MOB2: variants seen among roughly 807,000 people sequenced by gnomAD.
MOB2 encodes MOB kinase activator 2, also known as MOB2 Mps One Binder homolog.
MOB2 carries 14 observed loss-of-function variants against 27.4 expected under a neutral mutation model. The ratio of observed to expected loss-of-function variants is 0.51; its 90% CI spans 0.34 to 0.80. MOB2 has a LOEUF of 0.80. MOB2 is among the 30% of genes least tolerant of loss of function. The probability of loss-of-function intolerance (pLI) is 0.01; values close to 1 mark genes in which losing one functional copy is unlikely to be tolerated. For synonymous variants in MOB2, 167 were observed against 151.8 expected (o/e 1.10, Z -0.74); for missense variants, 304 against 354.6 (o/e 0.86, Z 1.15).
At chr11:1,471,453 C>A (rs1302545622) in intron 3 of MOB2, 34 bp from the exon 4 acceptor site, 1 of 1,581,850 alleles carries the variant, frequency 6.3e-7, no homozygotes, top group Admixed American at 1.7e-5. Context: ...GGGCATGCGC[C>A]CGCTGCACAC....
intron 1 of MOB2, among the ~76,000 whole-genome samples, chr11:1,485,590 C>A (rs1847961199): frequency 6.6e-6 from 1 of 152,180 alleles, no homozygotes; most frequent in Admixed American, 6.5e-5. Flanking sequence ...GTGCCGCAGC[C>A]CCCGGCCCTT....
chr11:1,470,505 T>C lies in MOB2; in HGVS notation c.491-17A>G. On this transcript the variant is annotated splice_polypyrimidine_tract_variant and intron_variant, in intron 4 of 4. Transcript: ENST00000329957. ...ATTCTCTGCCTGGGGAAGGCCACCGTGTCACAAGCTGCAGACATCCCTTGG... is the reference window on the plus strand; with the variant it reads ...ATTCTCTGCCTGGGGAAGGCCACCGCGTCACAAGCTGCAGACATCCCTTGG... The C allele has an allele frequency of 6.2e-7, 1 of 1,604,808 alleles. No individual in the cohort carries two copies. The highest frequency in any genetic ancestry group is 8.5e-7 in the Non-Finnish European group (1 of 1,174,970).
intron 3 of MOB2, among the ~76,000 whole-genome samples, chr11:1,478,023 G>C (rs183577723): frequency 6.6e-6 from 1 of 152,200 alleles, no homozygotes; most frequent in South Asian, 2.1e-4. Flanking sequence ...GATTCTGACT[G>C]CGTCTCTTCA....
At position 1,470,217 on chromosome 11, in the gene MOB2, G is replaced by T. The variant is rs377411565; in HGVS notation, c.762C>A (p.Ala254=). 1 of 1,611,962 alleles carries T rather than the reference G, an allele frequency of 6.2e-7. No homozygotes were observed. The highest frequency in any genetic ancestry group is 8.5e-7 in the Non-Finnish European group (1 of 1,179,634). ...GVHSGGSGDG[A]GSGGPGAQNH... The stretch of plus-strand genomic sequence containing the variant: ...TCTGTGCTCCCGGGCCCCCGCTGCC[G>T]GCCCCATCCCCACTGCCCCCACTGT... Residue 254 remains alanine (A), a synonymous_variant, in exon 5 of 5, where the codon GCC becomes GCA. Coordinates refer to ENST00000329957, the MANE Select transcript of MOB2 (RefSeq NM_001172223.3).
intron 3 of MOB2, among the ~76,000 whole-genome samples, chr11:1,474,778 T>G (rs1441712318): frequency 1.3e-5 from 2 of 152,256 alleles, no homozygotes; most frequent in Non-Finnish European, 2.9e-5. Context: ...TGGGGCTATC[T>G]CTGGACTCTA....
Position 1,486,507 on chromosome 11 carries a change from T to TGGCCG in MOB2, c.45_49dup (p.Gln17ProfsTer132). On this transcript the variant is annotated frameshift_variant, in exon 1 of 5. Coordinates refer to ENST00000329957, the MANE Select transcript of MOB2 (RefSeq NM_001172223.3). LOFTEE classifies it high-confidence loss of function. ...GCAGCAGAGTCCACTTTGCAGGGAC[T>TGGCCG]GGCCGGGCCGGGCTTGGTCTTCAGG... 4 of 1,535,816 alleles carry TGGCCG rather than the reference T, an allele frequency of 2.6e-6. No individual in the cohort carries two copies. The East Asian group carries it at 7.3e-5, about 28-fold the overall frequency.
In MOB2 at chr11:1,476,900, G is replaced by A. The variant is rs116340881; in HGVS notation, c.365+3493C>T. Among the ~76,000 whole-genome samples the A allele has an allele frequency of 1.7e-3, 263 of 152,314 alleles. 1 individual carries two copies. The highest frequency in any genetic ancestry group is 6.0e-3 in the African/African-American group (248 of 41,566). ...GTGTTTGGAGACTTTCCTGTTCTCT[G>A]TTACTGATTTCTAATTTAACCCCAC... On this transcript the variant is annotated intron_variant, in intron 3 of 4. Transcript: ENST00000329957.
chr11:1,471,291 G>C lies in MOB2; in HGVS notation c.490+4C>G. On this transcript the variant is annotated splice_donor_region_variant and intron_variant, in intron 4 of 4. Transcript: ENST00000329957. ...ATGACCGCCCAGTGCTGGGGGAGACGAACCGTATTTTGTGGGGAACACGTC... is the reference window on the plus strand; with the variant it reads ...ATGACCGCCCAGTGCTGGGGGAGACCAACCGTATTTTGTGGGGAACACGTC... 1 of 1,611,228 alleles carries C rather than the reference G, an allele frequency of 6.2e-7. No individual in the cohort carries two copies. The highest frequency in any genetic ancestry group is 8.5e-7 in the Non-Finnish European group (1 of 1,178,742).
chr11:1,482,949 G>A (rs1564911661), intron 1 of MOB2, among the ~76,000 whole-genome samples: 3 of 152,202 alleles, frequency 2.0e-5, no homozygotes, highest in Non-Finnish European at 4.4e-5. Flanking sequence ...GCCTGGGCAG[G>A]AAGCAGTCAC....
chr11:1,470,567 T>C (rs1457140545), intron 4 of MOB2, 79 bp from the exon 5 acceptor site: 1 of 1,493,600 alleles, frequency 6.7e-7, no homozygotes, highest in Admixed American at 2.0e-5. Context: ...CCCAGCCTGG[T>C]GGGTCTGGTA....
At position 1,480,851 on chromosome 11, in the gene MOB2, C is replaced by A. The variant is rs377048568; in HGVS notation, c.145G>T (p.Ala49Ser). Residue 49 changes from alanine to serine, a missense_variant, in exon 2 of 5, where the codon GCT (alanine) becomes TCT (serine). Physicochemically the swap from Ala to Ser is moderately conservative, Grantham distance 99. Coordinates refer to ENST00000329957, the MANE Select transcript of MOB2 (RefSeq NM_001172223.3). Reference sequence around the variant, plus strand: ...AGGTAGGCCTTCCTCTCCTCCGCAGCGGGCTTCTTGCCATTAGGCTTGGCT... The same window carrying A: ...AGGTAGGCCTTCCTCTCCTCCGCAGAGGGCTTCTTGCCATTAGGCTTGGCT... ...SKAKPNGKKPAAEERKAYLEP... is the reference protein window; with the variant it reads ...SKAKPNGKKPSAEERKAYLEP... 1.8e-5 allele frequency: 28 copies of A among 1,566,996 alleles called. No homozygotes were observed. The African/African-American group carries it at 3.1e-4, about 17-fold the overall frequency.
intron 1 of MOB2, among the ~76,000 whole-genome samples, chr11:1,481,929 C>A (rs951685402): frequency 9.2e-5 from 14 of 152,190 alleles, no homozygotes; most frequent in Non-Finnish European, 1.0e-4. Context: ...ACAGGGTGAG[C>A]TTCCGTGTAG....
At chr11:1,478,200 C>A (rs867036014) in intron 3 of MOB2, among the ~76,000 whole-genome samples, 1 of 152,302 alleles carries the variant, frequency 6.6e-6, no homozygotes, top group East Asian at 1.9e-4. Context: ...CCACCACAGG[C>A]CCCACGGCCG....
intron 3 of MOB2, among the ~76,000 whole-genome samples, chr11:1,474,370 T>A (rs1847830428): frequency 6.6e-6 from 1 of 152,238 alleles, no homozygotes; most frequent in African/African-American, 2.4e-5. Context: ...GGAGTTTGTC[T>A]TCTTTCTCTT....
At chr11:1,477,598 G>A (rs945773743) in intron 3 of MOB2, among the ~76,000 whole-genome samples, 1 of 152,180 alleles carries the variant, frequency 6.6e-6, no homozygotes, top group Non-Finnish European at 1.5e-5. Flanking sequence ...AGAAGGTGCT[G>A]TCTGTGGACC....
At chr11:1,482,227 T>C (rs1017141400) in intron 1 of MOB2, among the ~76,000 whole-genome samples, 3 of 152,226 alleles carry the variant, frequency 2.0e-5, no homozygotes, top group Admixed American at 6.5e-5. Context: ...CTCTGTGTCT[T>C]AGGAGCTGTG....
chr11:1,486,320 G>A, intron 1 of MOB2, 127 bp downstream of exon 1: 1 of 711,656 alleles, frequency 1.4e-6, no homozygotes, highest in Admixed American at 2.2e-5. Flanking sequence ...ACAGCCGCCG[G>A]CCACACTGGG....
chr11:1,480,551 G>T, intron 2 of MOB2, 65 bp from the exon 3 acceptor site: 1 of 1,570,612 alleles, frequency 6.4e-7, no homozygotes, highest in Non-Finnish European at 8.7e-7. Flanking sequence ...GTCCACCCCT[G>T]CTTCCAGCAA....
rs9440 is a variant in MOB2, at chr11:1,469,866, G to A, written c.*306C>T. 366,097 of 646,942 alleles carry A rather than the reference G, an allele frequency of 0.57. 105,715 individuals are homozygous for A. The highest frequency in any genetic ancestry group is 0.7 in the African/African-American group (39,118 of 55,970). The allele number at this position is 646,942 out of a possible 1,614,324, so 40.1% of individuals were successfully genotyped here. On this transcript the variant is annotated 3_prime_UTR_variant, in exon 5 of 5. Coordinates refer to ENST00000329957, the MANE Select transcript of MOB2 (RefSeq NM_001172223.3). ...ACCCGAGGGAGGGCAGGGGCTGCAC[G>A]GAGACCAGAGAAAGGAAAACCCCAC...
Sources: allele counts gnomAD v4.1 joint callset (sites outside exome capture counted in the v4.1 genomes callset), GRCh38; gene constraint gnomAD v4.1.1; transcripts MANE v1.5; gene names NCBI Gene and HGNC (gene_info 2026-07-23, HGNC 2026-07-21).